AK5: variants seen among roughly 807,000 people sequenced by gnomAD.
The protein encoded by AK5 is adenylate kinase 5.
In AK5, 27 loss-of-function variants were observed where a neutral mutation model predicts 69.5. The observed-to-expected ratio is 0.39, with a 90% CI of 0.29 to 0.54. AK5 has a LOEUF of 0.54. Ranked by LOEUF, AK5 falls within the 20% of genes least tolerant of loss-of-function variation. The probability of loss-of-function intolerance (pLI) is 0.71; values close to 1 mark genes in which losing one functional copy is unlikely to be tolerated. For synonymous variants in AK5, 260 were observed against 244.4 expected, an observed-to-expected ratio of 1.06 and a Z score of -0.60; for missense variants, 531 against 700.4, an observed-to-expected ratio of 0.76 and a Z score of 2.73.
At chr1:77,334,508 T>A (rs1661249751) in intron 5 of AK5, among the ~76,000 whole-genome samples, 1 of 152,216 alleles carries the variant, frequency 6.6e-6, no homozygotes, top group Non-Finnish European at 1.5e-5. Context: ...TGGAAAATTC[T>A]TAGGTATTAT....
chr1:77,369,067 A>G (rs1038764320), intron 6 of AK5, among the ~76,000 whole-genome samples: 3 of 152,284 alleles, frequency 2.0e-5, no homozygotes, highest in Admixed American at 2.0e-4. Context: ...AAACATCACT[A>G]TGTATGCCAT....
intron 8 of AK5, among the ~76,000 whole-genome samples, chr1:77,479,354 C>A (rs192293052): frequency 6.6e-6 from 1 of 151,904 alleles, no homozygotes; most frequent in African/African-American, 2.4e-5. Context: ...TACAGGCATG[C>A]GCCACTATGC....
chr1:77,381,420 C>G (rs1424414506), intron 6 of AK5, among the ~76,000 whole-genome samples: 1 of 152,188 alleles, frequency 6.6e-6, no homozygotes, highest in Non-Finnish European at 1.5e-5. Flanking sequence ...AGCCCAGATT[C>G]CAGTCACTTA....
intron 5 of AK5, among the ~76,000 whole-genome samples, chr1:77,337,339 G>T (rs569443607): frequency 3.3e-5 from 5 of 152,070 alleles, no homozygotes; most frequent in African/African-American, 7.2e-5. Flanking sequence ...AACACAAAAT[G>T]TATTAAAGTA....
intron 9 of AK5, among the ~76,000 whole-genome samples, chr1:77,483,803 G>A (rs558102526): frequency 1.1e-4 from 16 of 152,090 alleles, no homozygotes; most frequent in African/African-American, 1.9e-4. Flanking sequence ...ACTATTCCAC[G>A]TGTACCTTTG....
intron 6 of AK5, chr1:77,340,826 C>G (rs936001): frequency 0.17 from 56,895 of 343,486 alleles, 5,548 homozygotes; most frequent in Non-Finnish European, 0.2. Context: ...TTCTGTAGTC[C>G]TCAAGTAAAA....
chr1:77,504,775 C>G (rs1247916879), intron 10 of AK5, among the ~76,000 whole-genome samples: 2 of 152,208 alleles, frequency 1.3e-5, no homozygotes, highest in Non-Finnish European at 2.9e-5. Context: ...CATTTTTTAA[C>G]TTCCATAGAT....
In AK5 at chr1:77,430,909, G is replaced by A. The variant is rs150943904; in HGVS notation, c.1059+13194G>A. Among the ~76,000 whole-genome samples, 23 of 152,306 alleles carry A rather than the reference G, an allele frequency of 1.5e-4. No homozygotes were observed. The East Asian group carries it at 4.2e-3, about 28-fold the overall frequency. On this transcript the variant is annotated intron_variant, in intron 8 of 13. Coordinates refer to ENST00000354567, the MANE Select transcript of AK5 (RefSeq NM_174858.3). ...CACTTAAGCATGTTTTAACTCACAG[G>A]AAAGGTCTACTTGTTTGTGAAAAGG...
intron 12 of AK5, among the ~76,000 whole-genome samples, chr1:77,535,551 T>C (rs1022994951): frequency 6.6e-6 from 1 of 152,106 alleles, no homozygotes; most frequent in Middle Eastern, 3.2e-3. Flanking sequence ...CATACTCCTT[T>C]CTTCTCAGTG....
At chr1:77,335,688 A>G (rs1434925011) in intron 5 of AK5, among the ~76,000 whole-genome samples, 1 of 152,240 alleles carries the variant, frequency 6.6e-6, no homozygotes, top group African/African-American at 2.4e-5. Flanking sequence ...AAGGAATCCC[A>G]TGAGCATCCT....
intron 6 of AK5, among the ~76,000 whole-genome samples, chr1:77,380,902 A>C (rs1647584321): frequency 6.6e-6 from 1 of 152,214 alleles, no homozygotes. Context: ...TGGCATGGTG[A>C]GGAAACTCCA....
At chr1:77,309,236 TTAAAA>T (rs771771866) in intron 5 of AK5, among the ~76,000 whole-genome samples, 1 of 151,882 alleles carries the variant, frequency 6.6e-6, no homozygotes, top group Non-Finnish European at 1.5e-5. Flanking sequence ...GTCCTGGAAC[TTAAAA>T]TAAAAATAAA....
chr1:77,377,323 A>G (rs925487456), intron 6 of AK5, among the ~76,000 whole-genome samples: 2 of 152,178 alleles, frequency 1.3e-5, no homozygotes, highest in Non-Finnish European at 2.9e-5. Flanking sequence ...CCTTACCTCA[A>G]TAAATGTCAA....
chr1:77,506,719 C>T (rs1657054291), intron 10 of AK5, among the ~76,000 whole-genome samples: 1 of 152,152 alleles, frequency 6.6e-6, no homozygotes, highest in African/African-American at 2.4e-5. Context: ...GTTAATGGGG[C>T]CGGGCACGGT....
At chr1:77,517,379 A>T (rs1326461727) in intron 10 of AK5, among the ~76,000 whole-genome samples, 1 of 152,142 alleles carries the variant, frequency 6.6e-6, no homozygotes, top group Non-Finnish European at 1.5e-5. Context: ...TGGGGAGGAG[A>T]GAAGGGAACA....
intron 10 of AK5, 143 bp from the exon 11 acceptor site, chr1:77,518,421 G>T: frequency 1.2e-6 from 1 of 818,764 alleles, no homozygotes; most frequent in Non-Finnish European, 1.9e-6. Context: ...ACCACTCTCA[G>T]CACAGCTCCT....
rs1355869008 is a variant in AK5, at chr1:77,385,152, T to TTTTTG, written c.892-25808_892-25804dup. Among the ~76,000 whole-genome samples, 27 of 152,054 alleles carry TTTTTG rather than the reference T, an allele frequency of 1.8e-4. No homozygotes were observed. The Middle Eastern group carries it at 0.01, about 57-fold the overall frequency. ...TGAGACTTTACAAAGTGTTTTTTTG[T>TTTTTG]TTTTGTTTTGTTTTGTTTTGTTTTG... On this transcript the variant is annotated intron_variant, in intron 6 of 13. Coordinates refer to ENST00000354567, the MANE Select transcript of AK5 (RefSeq NM_174858.3).
At chr1:77,384,459 T>G (rs1269170906) in intron 6 of AK5, among the ~76,000 whole-genome samples, 2 of 152,200 alleles carry the variant, frequency 1.3e-5, no homozygotes, top group African/African-American at 4.8e-5. Flanking sequence ...ACTGAAATGC[T>G]ACAGGTGGAC....
chr1:77,418,532 G>A (rs1650578586), intron 8 of AK5, among the ~76,000 whole-genome samples: 3 of 152,170 alleles, frequency 2.0e-5, no homozygotes, highest in Admixed American at 2.0e-4. Flanking sequence ...TAAAACTGAA[G>A]ACATTTATCT....
Sources: gnomAD v4.1 joint callset for allele counts (sites outside exome capture counted in the v4.1 genomes callset) on GRCh38, gnomAD v4.1.1 for gene constraint, MANE v1.5 for transcripts, NCBI Gene and HGNC (gene_info 2026-07-23, HGNC 2026-07-21) for gene names.